Variants in ULK4 observed in about 807,000 individuals in gnomAD.
The protein encoded by ULK4 is unc-51 like kinase 4.
In ULK4, 133 loss-of-function variants were observed where a neutral mutation model predicts 160.6. The observed-to-expected ratio is 0.83, with a 90% CI of 0.72 to 0.96. ULK4 has a LOEUF of 0.96. ULK4 is among the 40% of genes least tolerant of loss of function. The pLI is 0.00. For missense variants in ULK4, 1,580 were observed against 1,499.5 expected, an observed-to-expected ratio of 1.05 and a Z score of -0.89; for synonymous variants, 534 against 539.8, an observed-to-expected ratio of 0.99 and a Z score of 0.15.
intron 27 of ULK4, among the ~76,000 whole-genome samples, chr3:41,703,214 C>A (rs1193065686): frequency 7.1e-5 from 10 of 140,256 alleles, no homozygotes; most frequent in Admixed American, 2.3e-4. Flanking sequence ...TTGAACACTG[C>A]ACGGAACAGC....
intron 19 of ULK4, among the ~76,000 whole-genome samples, chr3:41,812,428 A>G (rs1474574008): frequency 7.2e-5 from 11 of 152,216 alleles, no homozygotes; most frequent in Non-Finnish European, 1.5e-5. Context: ...AACACACACA[A>G]AAATAGGAAG....
At position 41,935,810 on chromosome 3, in the gene ULK4, A is replaced by G. The variant is rs1226625066; in HGVS notation, c.369T>C (p.Ser123=). The G allele has an allele frequency of 1.2e-6, 2 of 1,610,012 alleles. No homozygotes were observed. The highest frequency in any genetic ancestry group is 1.3e-5 in the African/African-American group (1 of 74,794). ...HKLGILFCDI[S]PRKILLEGPG... is the part of the protein sequence containing the mutation. ...AACTTTCATGAATTACCTTCCTAGG[A>G]GAAATGTCACAAAAGAGAATGCCAA... is the stretch of plus-strand genomic sequence containing the variant. The change falls in exon 4 of 37, where the codon TCT becomes TCC. Residue 123 remains serine, a synonymous_variant. Transcript: ENST00000301831.
chr3:41,771,230 G>A (rs2039355742), intron 21 of ULK4, among the ~76,000 whole-genome samples: 2 of 151,934 alleles, frequency 1.3e-5, no homozygotes, highest in South Asian at 4.2e-4. Flanking sequence ...TAAAATATGT[G>A]GTAATGTTCA....
chr3:41,731,199 G>GA (rs200006240), intron 22 of ULK4, among the ~76,000 whole-genome samples: 14 of 145,022 alleles, frequency 9.7e-5, no homozygotes, highest in East Asian at 4.4e-4. Flanking sequence ...ATCCAAACTG[G>GA]AAAAAAAAAT....
chr3:41,958,732 G>C (rs1188578841), intron 1 of ULK4, among the ~76,000 whole-genome samples: 1 of 149,776 alleles, frequency 6.7e-6, no homozygotes, highest in Non-Finnish European at 1.5e-5. Context: ...AAAAAATTAA[G>C]GAAACTCATT....
chr3:41,758,334 A>C (rs1367911047), intron 21 of ULK4, among the ~76,000 whole-genome samples: 1 of 152,200 alleles, frequency 6.6e-6, no homozygotes, highest in Non-Finnish European at 1.5e-5. Context: ...AAACAAAGCA[A>C]AATTGAGGGA....
At chr3:41,553,730 A>G (rs2087168491) in intron 32 of ULK4, among the ~76,000 whole-genome samples, 1 of 152,162 alleles carries the variant, frequency 6.6e-6, no homozygotes, top group African/African-American at 2.4e-5. Context: ...TTTATGGGGT[A>G]CATAAGATAT....
chr3:41,487,466 A>G (rs2084580519), intron 32 of ULK4, among the ~76,000 whole-genome samples: 1 of 152,180 alleles, frequency 6.6e-6, no homozygotes, highest in Non-Finnish European at 1.5e-5. Context: ...TACTACAATA[A>G]TAAAAATGTT....
intron 2 of ULK4, among the ~76,000 whole-genome samples, chr3:41,951,908 A>G (rs570707892): frequency 6.6e-6 from 1 of 152,320 alleles, no homozygotes; most frequent in African/African-American, 2.4e-5. Flanking sequence ...AGACACCAAA[A>G]CTGCTGGCAC....
chr3:41,258,027 C>T (rs112139204), intron 35 of ULK4, among the ~76,000 whole-genome samples: 4 of 152,188 alleles, frequency 2.6e-5, no homozygotes, highest in Non-Finnish European at 5.9e-5. Flanking sequence ...TTTCAAGGGG[C>T]TCTGAAATGA....
chr3:41,443,925 A>G (rs1468340417), intron 34 of ULK4, among the ~76,000 whole-genome samples: 1 of 152,088 alleles, frequency 6.6e-6, no homozygotes, highest in Non-Finnish European at 1.5e-5. Context: ...AATCTACCCT[A>G]AGAATTGAAT....
At chr3:41,528,340 C>T (rs1402001240) in intron 32 of ULK4, among the ~76,000 whole-genome samples, 1 of 152,080 alleles carries the variant, frequency 6.6e-6, no homozygotes. Context: ...CCGTTAGAAC[C>T]TAAATCTAAT....
chr3:41,738,158 T>A (rs1340685689), intron 22 of ULK4, among the ~76,000 whole-genome samples: 1 of 151,982 alleles, frequency 6.6e-6, no homozygotes, highest in East Asian at 1.9e-4. Flanking sequence ...AAAAATAGTC[T>A]ATTTGGCCTA....
At chr3:41,869,592 C>A (rs1697018460) in intron 17 of ULK4, among the ~76,000 whole-genome samples, 2 of 152,106 alleles carry the variant, frequency 1.3e-5, no homozygotes, top group East Asian at 3.9e-4. Context: ...AAAACACTCA[C>A]ATATACAATA....
At chr3:41,918,208 T>C (rs570750795) in intron 7 of ULK4, among the ~76,000 whole-genome samples, 4 of 152,290 alleles carry the variant, frequency 2.6e-5, no homozygotes, top group Admixed American at 1.3e-4. Flanking sequence ...CTTTAAGCCA[T>C]ACTTTTTATG....
intron 5 of ULK4, among the ~76,000 whole-genome samples, chr3:41,927,385 G>A (rs1174359831): frequency 6.6e-6 from 1 of 152,144 alleles, no homozygotes; most frequent in Non-Finnish European, 1.5e-5. Flanking sequence ...ACCAGCCACT[G>A]CAAAAACATA....
intron 31 of ULK4, among the ~76,000 whole-genome samples, chr3:41,592,485 T>C (rs1490944013): frequency 1.3e-5 from 2 of 151,984 alleles, no homozygotes; most frequent in Non-Finnish European, 2.9e-5. Flanking sequence ...AGGTGATGGG[T>C]GCACCAAAAT....
intron 34 of ULK4, among the ~76,000 whole-genome samples, chr3:41,424,802 T>C (rs528463126): frequency 1.9e-5 from 2 of 106,038 alleles, no homozygotes; most frequent in Admixed American, 2.6e-4. Context: ...AGATCAAAGC[T>C]AGATAATCTC....
chr3:41,652,893 T>C (rs2034797029), intron 30 of ULK4, among the ~76,000 whole-genome samples: 1 of 152,172 alleles, frequency 6.6e-6, no homozygotes, highest in South Asian at 2.1e-4. Context: ...AACCCAAAAT[T>C]TGATCTTGCT....
Sources: gnomAD v4.1 joint callset for allele counts (sites outside exome capture counted in the v4.1 genomes callset) on GRCh38, gnomAD v4.1.1 for gene constraint, MANE v1.5 for transcripts, NCBI Gene and HGNC (gene_info 2026-07-23, HGNC 2026-07-21) for gene names.